BBX: variants seen among roughly 807,000 people sequenced by gnomAD.
The protein encoded by BBX is BBX high mobility group box domain containing, also known as HMG box transcription factor BBX.
Under a neutral mutation model 100.2 loss-of-function variants are expected in BBX, and 30 were observed. The ratio of observed to expected loss-of-function variants is 0.30; its 90% CI spans 0.22 to 0.41. The LOEUF (loss-of-function observed/expected upper bound fraction) is 0.41. BBX is among the 10% of genes least tolerant of loss of function. BBX has a pLI of 1.00. For missense variants in BBX, 1,023 were observed against 1,129.8 expected (o/e 0.91, Z 1.35); for synonymous variants, 376 against 388.1 (o/e 0.97, Z 0.37).
chr3:107,526,289 A>T, intron 1 of BBX, 38 bp from the exon 2 acceptor site: 1 of 398,608 alleles, frequency 2.5e-6, no homozygotes, highest in Non-Finnish European at 4.4e-6. Flanking sequence ...GTAAAGCCCT[A>T]CTATACTGAT....
intron 2 of BBX, among the ~76,000 whole-genome samples, chr3:107,564,229 T>C (rs929919082): frequency 2.6e-5 from 4 of 152,208 alleles, no homozygotes; most frequent in Admixed American, 6.5e-5. Flanking sequence ...TCCTTTCTTT[T>C]CTACCTTTTC....
At chr3:107,555,255 T>G (rs1188921794) in intron 2 of BBX, among the ~76,000 whole-genome samples, 1 of 152,200 alleles carries the variant, frequency 6.6e-6, no homozygotes, top group African/African-American at 2.4e-5. Flanking sequence ...ACAGGATTAT[T>G]TGGCTAAACA....
At chr3:107,751,162 T>C (rs537633567) in intron 9 of BBX, among the ~76,000 whole-genome samples, 15 of 152,270 alleles carry the variant, frequency 9.9e-5, no homozygotes, top group African/African-American at 3.4e-4. Context: ...GGTGGAAGGG[T>C]CAAGAGAGGA....
chr3:107,697,945 G>A (rs2060760013), intron 3 of BBX, among the ~76,000 whole-genome samples: 1 of 151,926 alleles, frequency 6.6e-6, no homozygotes, highest in Non-Finnish European at 1.5e-5. Flanking sequence ...ATTCGGGTGG[G>A]AGTGACCCGA....
chr3:107,783,581 A>G (rs868578059), intron 13 of BBX, among the ~76,000 whole-genome samples: 3 of 151,868 alleles, frequency 2.0e-5, no homozygotes, highest in Non-Finnish European at 4.4e-5. Context: ...TTATTAAGTT[A>G]TTTTCCTACA....
intron 2 of BBX, among the ~76,000 whole-genome samples, chr3:107,600,468 G>T (rs561515585): frequency 6.6e-6 from 1 of 152,150 alleles, no homozygotes; most frequent in Non-Finnish European, 1.5e-5. Flanking sequence ...GAGAACATTT[G>T]AATGTTAGTA....
At chr3:107,705,175 G>A (rs1437778851) in intron 3 of BBX, among the ~76,000 whole-genome samples, 1 of 152,064 alleles carries the variant, frequency 6.6e-6, no homozygotes, top group Non-Finnish European at 1.5e-5. Flanking sequence ...GTAGACTCTG[G>A]AGAAGGCCGT....
chr3:107,613,733 C>G (rs1007812713), intron 2 of BBX, among the ~76,000 whole-genome samples: 3 of 151,946 alleles, frequency 2.0e-5, no homozygotes, highest in Non-Finnish European at 4.4e-5. Context: ...ATTTAAAACC[C>G]TAACCTCTCA....
chr3:107,697,762 A>C (rs959086858), intron 3 of BBX, among the ~76,000 whole-genome samples: 1 of 151,798 alleles, frequency 6.6e-6, no homozygotes. Context: ...TTACCTAAGC[A>C]AGCCTGGGCA....
intron 3 of BBX, among the ~76,000 whole-genome samples, chr3:107,648,685 C>G (rs1189694588): frequency 6.6e-6 from 1 of 152,078 alleles, no homozygotes; most frequent in East Asian, 1.9e-4. Context: ...GATACTCTAC[C>G]TGAGGTCACA....
At chr3:107,622,518 A>G (rs1180983416) in intron 2 of BBX, among the ~76,000 whole-genome samples, 1 of 152,186 alleles carries the variant, frequency 6.6e-6, no homozygotes, top group Non-Finnish European at 1.5e-5. Flanking sequence ...CAGAGCAGCT[A>G]TGCCATTTTG....
At chr3:107,553,608 G>A (rs2049863965) in intron 2 of BBX, among the ~76,000 whole-genome samples, 1 of 152,152 alleles carries the variant, frequency 6.6e-6, no homozygotes, top group Admixed American at 6.5e-5. Context: ...CTGAGTTAAG[G>A]ACAAGAAAAC....
chr3:107,639,887 C>T (rs2057087595), intron 2 of BBX, among the ~76,000 whole-genome samples: 1 of 152,152 alleles, frequency 6.6e-6, no homozygotes, highest in African/African-American at 2.4e-5. Context: ...GGTGAAATAA[C>T]ACTTGAGAAG....
chr3:107,792,764 T>C (rs937587894), intron 15 of BBX, among the ~76,000 whole-genome samples: 2 of 152,232 alleles, frequency 1.3e-5, no homozygotes, highest in Admixed American at 1.3e-4. Context: ...ATAGTTTTTT[T>C]AATGTAAGGC....
chr3:107,554,622 A>T, intron 2 of BBX, among the ~76,000 whole-genome samples: 1 of 152,130 alleles, frequency 6.6e-6, no homozygotes, highest in Non-Finnish European at 1.5e-5. Context: ...TATTCTGTCT[A>T]GTTTCTGTAG....
chr3:107,613,402 C>G (rs2054997759), intron 2 of BBX, among the ~76,000 whole-genome samples: 1 of 149,554 alleles, frequency 6.7e-6, no homozygotes, highest in Admixed American at 6.7e-5. Flanking sequence ...TCCTGTTATC[C>G]TTTTATTATT....
At chr3:107,705,630 A>G (rs1397504553) in intron 3 of BBX, among the ~76,000 whole-genome samples, 1 of 152,222 alleles carries the variant, frequency 6.6e-6, no homozygotes, top group East Asian at 1.9e-4. Flanking sequence ...CTTTTGAATG[A>G]CATCTTAGGA....
intron 3 of BBX, among the ~76,000 whole-genome samples, chr3:107,695,174 GT>G (rs1331000913): frequency 1.7e-5 from 2 of 117,160 alleles, no homozygotes; most frequent in Non-Finnish European, 3.4e-5. Flanking sequence ...TTTTTGAAGG[GT>G]TTTTTGTGTC....
At chr3:107,612,332 C>T (rs2054901503) in intron 2 of BBX, among the ~76,000 whole-genome samples, 1 of 152,084 alleles carries the variant, frequency 6.6e-6, no homozygotes, top group Non-Finnish European at 1.5e-5. Flanking sequence ...TGGGTATTTA[C>T]TGTTGTCTTT....
Sources: allele counts gnomAD v4.1 joint callset (sites outside exome capture counted in the v4.1 genomes callset), GRCh38; gene constraint gnomAD v4.1.1; transcripts MANE v1.5; gene names NCBI Gene and HGNC (gene_info 2026-07-23, HGNC 2026-07-21).